Variants in SEMA3E observed in about 807,000 individuals in gnomAD.
SEMA3E encodes the protein semaphorin 3E, also known as semaphorin-3E.
In SEMA3E, 49 loss-of-function variants were observed where a neutral mutation model predicts 93.6. The observed-to-expected ratio is 0.52, with a 90% CI of 0.42 to 0.66. The LOEUF is 0.66. SEMA3E is among the 30% of genes least tolerant of loss of function. SEMA3E has a pLI of 0.00. For missense variants in SEMA3E, 906 were observed against 964.8 expected (o/e 0.94, Z 0.81); for synonymous variants, 363 against 330.7 (o/e 1.10, Z -1.06).
rs781521162 is a variant in SEMA3E, at chr7:83,392,737, A to G, written c.1501-16T>C. 2 of 1,613,296 alleles carry G rather than the reference A, an allele frequency of 1.2e-6. No homozygotes were observed. Among genetic ancestry groups the G allele is most frequent in the South Asian group, 2.2e-5 (2 of 91,078 alleles). ...ACAGCTGTTGCTACAGAAATCAGAA[A>G]GAGGTCACTAGCAGAAATGGACAAA... On this transcript the variant is annotated splice_polypyrimidine_tract_variant and intron_variant, in intron 13 of 16. Coordinates refer to ENST00000643230, the MANE Select transcript of SEMA3E (RefSeq NM_012431.3).
At chr7:83,411,235 A>G (rs1024759422) in intron 5 of SEMA3E, among the ~76,000 whole-genome samples, 7 of 152,100 alleles carry the variant, frequency 4.6e-5, no homozygotes, top group African/African-American at 1.4e-4. Flanking sequence ...TTCTCTGCAC[A>G]AGAGAAAAAA....
intron 1 of SEMA3E, among the ~76,000 whole-genome samples, chr7:83,609,479 T>C (rs1793202639): frequency 1.3e-5 from 2 of 152,036 alleles, no homozygotes; most frequent in African/African-American, 4.8e-5. Flanking sequence ...ATTTTAATAT[T>C]GTATTGAGAT....
intron 9 of SEMA3E, 143 bp from the exon 10 acceptor site, chr7:83,402,919 T>C: frequency 1.3e-6 from 1 of 751,852 alleles, no homozygotes; most frequent in East Asian, 2.7e-5. Context: ...TCTAGGTATG[T>C]TAATTATTGC....
At chr7:83,580,935 T>C (rs1792507009) in intron 1 of SEMA3E, among the ~76,000 whole-genome samples, 1 of 151,968 alleles carries the variant, frequency 6.6e-6, no homozygotes, top group African/African-American at 2.4e-5. Context: ...TGATATTAGA[T>C]CTTTATTATT....
At chr7:83,537,858 C>A (rs183333438) in intron 1 of SEMA3E, among the ~76,000 whole-genome samples, 30 of 152,286 alleles carry the variant, frequency 2.0e-4, no homozygotes, top group African/African-American at 6.3e-4. Context: ...GCCTCCACCA[C>A]CACTGTCTTT....
chr7:83,390,935 T>C (rs1179564423), intron 14 of SEMA3E, among the ~76,000 whole-genome samples: 1 of 152,188 alleles, frequency 6.6e-6, no homozygotes, highest in Admixed American at 6.6e-5. Flanking sequence ...ACTGCTCAAT[T>C]AAAATTCATT....
At chr7:83,490,066 T>A in intron 2 of SEMA3E, 48 bp downstream of exon 2, 1 of 1,574,612 alleles carries the variant, frequency 6.4e-7, no homozygotes. Context: ...TTCTTGAAAT[T>A]TCCCCCCTTT....
chr7:83,411,896 G>A (rs1277046597), intron 5 of SEMA3E, among the ~76,000 whole-genome samples: 1 of 152,092 alleles, frequency 6.6e-6, no homozygotes, highest in East Asian at 1.9e-4. Flanking sequence ...GGAGATGGGC[G>A]AGTTTAACAA....
intron 16 of SEMA3E, among the ~76,000 whole-genome samples, chr7:83,377,391 T>C (rs1584201964): frequency 1.3e-5 from 2 of 151,978 alleles, no homozygotes; most frequent in Non-Finnish European, 2.9e-5. Flanking sequence ...AGCTATATAG[T>C]GAATAATTTT....
intron 1 of SEMA3E, among the ~76,000 whole-genome samples, chr7:83,610,261 T>A (rs1793222641): frequency 6.6e-6 from 1 of 152,116 alleles, no homozygotes; most frequent in South Asian, 2.1e-4. Context: ...ATTTCTGATA[T>A]AATGAATATA....
chr7:83,478,727 T>A (rs1292893574), intron 2 of SEMA3E, among the ~76,000 whole-genome samples: 1 of 152,184 alleles, frequency 6.6e-6, no homozygotes, highest in Non-Finnish European at 1.5e-5. Context: ...AATGCAGCCA[T>A]GCAAAGGGAA....
intron 4 of SEMA3E, among the ~76,000 whole-genome samples, chr7:83,423,162 A>T: frequency 6.6e-6 from 1 of 152,178 alleles, no homozygotes; most frequent in East Asian, 1.9e-4. Context: ...TCATCCTGAA[A>T]TTTTTAGTTA....
chr7:83,415,164 G>GCA (rs1788516532), intron 5 of SEMA3E, among the ~76,000 whole-genome samples: 1 of 152,058 alleles, frequency 6.6e-6, no homozygotes, highest in Admixed American at 6.6e-5. Flanking sequence ...TGAAAGGCAT[G>GCA]GATACGCAAT....
At chr7:83,372,113 A>G (rs1794757416) in intron 16 of SEMA3E, 1 of 393,964 alleles carries the variant, frequency 2.5e-6, no homozygotes, top group South Asian at 1.4e-4. Context: ...TTTTTAGAGC[A>G]CAAACATGTA....
chr7:83,595,502 T>C (rs1200581042), intron 1 of SEMA3E, among the ~76,000 whole-genome samples: 1 of 152,088 alleles, frequency 6.6e-6, no homozygotes, highest in Non-Finnish European at 1.5e-5. Context: ...TTTATTCAGA[T>C]TTCACTGATT....
intron 4 of SEMA3E, among the ~76,000 whole-genome samples, chr7:83,456,622 A>ATTTATGTATTTAT (rs10667838): frequency 7.6e-5 from 11 of 145,552 alleles, no homozygotes; most frequent in Admixed American, 2.8e-4. Flanking sequence ...TTATTTATTT[A>ATTTATGTATTTAT]TTATTTTTGA....
intron 13 of SEMA3E, among the ~76,000 whole-genome samples, chr7:83,393,502 C>G (rs972480825): frequency 3.9e-5 from 6 of 152,168 alleles, no homozygotes; most frequent in African/African-American, 1.4e-4. Flanking sequence ...GAACTCCAGC[C>G]TGGGTGACAC....
intron 5 of SEMA3E, among the ~76,000 whole-genome samples, chr7:83,410,942 G>C (rs969855086): frequency 2.0e-5 from 3 of 151,836 alleles, no homozygotes; most frequent in African/African-American, 7.3e-5. Context: ...TGTATAATGG[G>C]AATGAAGATT....
At chr7:83,529,789 G>T (rs543066093) in intron 1 of SEMA3E, among the ~76,000 whole-genome samples, 21 of 152,218 alleles carry the variant, frequency 1.4e-4, no homozygotes, top group African/African-American at 4.6e-4. Flanking sequence ...CTCTAATTGG[G>T]TCAAGCATTT....
Sources: allele counts gnomAD v4.1 joint callset (sites outside exome capture counted in the v4.1 genomes callset), GRCh38; gene constraint gnomAD v4.1.1; transcripts MANE v1.5; gene names NCBI Gene and HGNC (gene_info 2026-07-23, HGNC 2026-07-21).